TTC7A: variants seen among roughly 807,000 people sequenced by gnomAD.
TTC7A encodes the protein tetratricopeptide repeat domain 7A, also known as tetratricopeptide repeat protein 7A.
A neutral mutation model predicts 103.7 loss-of-function variants in TTC7A; 110 were observed. That is an observed-to-expected ratio of 1.06 (90% confidence interval 0.91 to 1.24). The LOEUF (loss-of-function observed/expected upper bound fraction) is 1.24, where lower values mean the gene tolerates loss of function less well. TTC7A is among the 50% of genes most tolerant of loss of function. The probability of loss-of-function intolerance (pLI) is 0.00; values close to 1 mark genes in which losing one functional copy is unlikely to be tolerated. For synonymous variants in TTC7A, 521 were observed against 467.9 expected (o/e 1.11, Z -1.47); for missense variants, 1,340 against 1,116.3 (o/e 1.20, Z -2.86).
intron 11 of TTC7A, among the ~76,000 whole-genome samples, chr2:47,013,724 T>C (rs1028467789): frequency 3.9e-5 from 6 of 152,200 alleles, no homozygotes; most frequent in East Asian, 1.9e-4. Flanking sequence ...TCAGTCCAAA[T>C]TGAAATCAGA....
At chr2:46,957,494 C>T (rs1350222272) in intron 3 of TTC7A, among the ~76,000 whole-genome samples, 1 of 152,222 alleles carries the variant, frequency 6.6e-6, no homozygotes. Flanking sequence ...ATTTGTCGGG[C>T]ACCTGCTGTG....
intron 5 of TTC7A, among the ~76,000 whole-genome samples, chr2:46,986,749 G>C (rs1675056256): frequency 6.6e-6 from 1 of 152,168 alleles, no homozygotes; most frequent in Non-Finnish European, 1.5e-5. Flanking sequence ...AACAGGGTGG[G>C]GCCAGATGGC....
chr2:46,968,467 T>C (rs1312709762), intron 3 of TTC7A, among the ~76,000 whole-genome samples: 1 of 152,196 alleles, frequency 6.6e-6, no homozygotes, highest in Non-Finnish European at 1.5e-5. Flanking sequence ...CTGCAGCACC[T>C]GGGTGGGCTT....
chr2:47,058,880 C>G (rs916163122), intron 18 of TTC7A, among the ~76,000 whole-genome samples: 3 of 152,096 alleles, frequency 2.0e-5, no homozygotes, highest in Non-Finnish European at 2.9e-5. Flanking sequence ...ACAGATCCTC[C>G]CCTGCCTGCT....
Position 46,941,923 on chromosome 2 carries a change from G to A in TTC7A, c.184+198G>A. 1 of 680,484 alleles carries A rather than the reference G, an allele frequency of 1.5e-6. No homozygotes were observed. Among genetic ancestry groups the A allele is most frequent in the Admixed American group, 2.9e-5 (1 of 34,242 alleles). 42.2% of individuals were successfully genotyped at this position (680,484 alleles called of 1,614,324 possible). A position where few individuals can be genotyped will look rare whatever the true frequency, so the allele number is the denominator to read the frequency against. The stretch of plus-strand genomic sequence containing the variant: ...TCACATGTGGTTTGGGGGCTTGGAG[G>A]GAAGAGAAACGGCTTTTGCTCTGTG... On this transcript the variant is annotated intron_variant, in intron 1 of 19. Coordinates refer to ENST00000319190, the MANE Select transcript of TTC7A (RefSeq NM_020458.4). This position sits in a 1 kb window ranked among gnomAD's most constrained non-coding sequence, Gnocchi z 4.2.
intron 8 of TTC7A, among the ~76,000 whole-genome samples, chr2:47,002,357 G>A (rs991194709): frequency 6.6e-6 from 1 of 152,226 alleles, no homozygotes; most frequent in Non-Finnish European, 1.5e-5. Flanking sequence ...TAAGAACAGT[G>A]AGGAAGAGAC....
chr2:46,972,485 A>G (rs1227470809), intron 3 of TTC7A, among the ~76,000 whole-genome samples: 2 of 152,208 alleles, frequency 1.3e-5, no homozygotes, highest in Non-Finnish European at 2.9e-5. Context: ...GGTTTTCTCT[A>G]ACATTTCTAA....
intron 18 of TTC7A, among the ~76,000 whole-genome samples, chr2:47,060,527 C>G (rs1683681948): frequency 6.6e-6 from 1 of 152,198 alleles, no homozygotes; most frequent in Non-Finnish European, 1.5e-5. Context: ...TGAGCATTAA[C>G]TGGGACGATC....
In TTC7A at chr2:46,995,190, C is replaced by T. The variant is rs887426063; in HGVS notation, c.1056C>T (p.Ser352=). The T allele has an allele frequency of 9.9e-6, 16 of 1,614,008 alleles. No homozygotes were observed. Among genetic ancestry groups the T allele is most frequent in the East Asian group, 2.2e-5 (1 of 44,896 alleles). ...IEEALLLLLI[S]ESMATRDVVL... ...AAGCCCTCCTGCTCCTCCTCATCAG[C>T]GAATCCATGGTAAGCTCCAGGATGT... Residue 352 remains serine, a synonymous_variant, in exon 8 of 20, where the codon AGC becomes AGT. Coordinates refer to ENST00000319190, the MANE Select transcript of TTC7A (RefSeq NM_020458.4).
chr2:46,978,335 G>C (rs1192783995), intron 4 of TTC7A: 1 of 155,330 alleles, frequency 6.4e-6, no homozygotes, highest in Non-Finnish European at 1.4e-5. Context: ...GACCCTCTCT[G>C]TTCTCACCGG....
At chr2:47,041,783 T>C (rs966326060) in intron 15 of TTC7A, among the ~76,000 whole-genome samples, 1 of 151,778 alleles carries the variant, frequency 6.6e-6, no homozygotes, top group Non-Finnish European at 1.5e-5. Context: ...GATATGAGTT[T>C]ACTATTAAAC....
intron 18 of TTC7A, among the ~76,000 whole-genome samples, chr2:47,054,835 CAAAAA>C (rs71399005): frequency 8.6e-6 from 1 of 115,696 alleles, no homozygotes; most frequent in East Asian, 2.7e-4. Flanking sequence ...GACCCTGTCT[CAAAAA>C]AAAAAAAAAA....
chr2:46,983,713 A>G (rs963893618), intron 5 of TTC7A, among the ~76,000 whole-genome samples: 7 of 152,212 alleles, frequency 4.6e-5, no homozygotes, highest in Non-Finnish European at 2.9e-5. Context: ...ATGCCCCTTC[A>G]TTTGCATATA....
In TTC7A at chr2:47,007,739, G is replaced by A. The variant is rs117612155; in HGVS notation, c.1287+1015G>A. 1.5e-3 allele frequency among the ~76,000 whole-genome samples: 232 copies of A among 152,292 alleles called. 2 individuals carry two copies. The highest frequency in any genetic ancestry group is 7.7e-3 in the East Asian group (40 of 5,178). ...GCCTGAGTGCGGGGAGAGGCTTGCT[G>A]GGGAGCCTTCCCTACCCCCATCTGC... On this transcript the variant is annotated intron_variant, in intron 10 of 19. Coordinates refer to ENST00000319190, the MANE Select transcript of TTC7A (RefSeq NM_020458.4). The surrounding 1 kb of genome is among the most constrained non-coding windows in gnomAD (Gnocchi z 4.9).
In TTC7A at chr2:46,966,934, C is replaced by T. The variant is rs1338516145; in HGVS notation, c.518-8039C>T. Among the ~76,000 whole-genome samples, 6 of 150,776 alleles carry T rather than the reference C, an allele frequency of 4.0e-5. 1 individual carries two copies. The highest frequency in any genetic ancestry group is 6.6e-5 in the Admixed American group (1 of 15,126). ...TTTTCCGTTAAAAAATTGTGTTGGCCGGGCGCGGTGGCTCATGCCTATAAT... is the reference window on the plus strand; with the variant it reads ...TTTTCCGTTAAAAAATTGTGTTGGCTGGGCGCGGTGGCTCATGCCTATAAT... On this transcript the variant is annotated intron_variant, in intron 3 of 19. Coordinates refer to ENST00000319190, the MANE Select transcript of TTC7A (RefSeq NM_020458.4).
intron 2 of TTC7A, among the ~76,000 whole-genome samples, chr2:46,933,257 G>A (rs561018715): frequency 2.6e-5 from 4 of 152,288 alleles, no homozygotes; most frequent in African/African-American, 7.2e-5. Flanking sequence ...TGGGAGGGAG[G>A]GCAGTGCCTG....
intron 2 of TTC7A, among the ~76,000 whole-genome samples, chr2:46,955,358 A>G (rs966522151): frequency 3.3e-5 from 5 of 152,188 alleles, no homozygotes; most frequent in African/African-American, 7.2e-5. Flanking sequence ...TGGATGGCCT[A>G]TCTGGGAAGA....
chr2:47,032,805 AC>A (rs1680697401), intron 15 of TTC7A, among the ~76,000 whole-genome samples: 2 of 150,490 alleles, frequency 1.3e-5, no homozygotes, highest in South Asian at 4.2e-4. Context: ...GAAAAAAAAT[AC>A]AGGGACTTTT....
At chr2:47,029,102 G>GC in intron 14 of TTC7A, 122 bp from the exon 15 acceptor site, 2 of 1,158,792 alleles carry the variant, frequency 1.7e-6, no homozygotes, top group Non-Finnish European at 2.5e-6. Context: ...CAGCCTCCCT[G>GC]CCCCCAGTGC....
Sources: allele counts gnomAD v4.1 joint callset (sites outside exome capture counted in the v4.1 genomes callset), GRCh38; gene constraint gnomAD v4.1.1; non-coding constraint Gnocchi (gnomAD v3.1); transcripts MANE v1.5; gene names NCBI Gene and HGNC (gene_info 2026-07-23, HGNC 2026-07-21).